Variants in CCDC171 observed in about 807,000 individuals in gnomAD.
The protein encoded by CCDC171 is coiled-coil domain containing 171.
A neutral mutation model predicts 168.2 loss-of-function variants in CCDC171; 177 were observed. The observed-to-expected ratio is 1.05, with a 90% CI of 0.93 to 1.19. The LOEUF (loss-of-function observed/expected upper bound fraction) is 1.19. Among genes scored for constraint, CCDC171 ranks in the 50% most tolerant of loss-of-function variants. The pLI is 0.00. For missense variants in CCDC171, 1,991 were observed against 1,539.0 expected, an observed-to-expected ratio of 1.29 and a Z score of -4.91; for synonymous variants, 687 against 540.8, an observed-to-expected ratio of 1.27 and a Z score of -3.75.
intron 3 of CCDC171, among the ~76,000 whole-genome samples, chr9:16,016,461 A>G (rs1054522780): frequency 6.6e-6 from 1 of 152,178 alleles, no homozygotes; most frequent in Non-Finnish European, 1.5e-5. Context: ...GAATCAAGCA[A>G]TGGCCAGAGC....
At chr9:16,106,350 A>G in the CCDC171 span, among the ~76,000 whole-genome samples, 3 of 152,158 alleles carry the variant, frequency 2.0e-5, no homozygotes, top group Non-Finnish European at 4.4e-5. Context: ...CGCCCCTCGC[A>G]CAGCATGCTT....
chr9:15,790,295 G>C (rs1033378650), intron 21 of CCDC171, among the ~76,000 whole-genome samples: 1 of 152,168 alleles, frequency 6.6e-6, no homozygotes, highest in African/African-American at 2.4e-5. Flanking sequence ...ATTCTAACTG[G>C]TGTGAAATGG....
chr9:15,573,020 G>A (rs1031021355), intron 3 of CCDC171, among the ~76,000 whole-genome samples: 2 of 152,074 alleles, frequency 1.3e-5, no homozygotes, highest in South Asian at 4.1e-4. Context: ...TCAGCTGGGC[G>A]TAGTGGCACA....
chr9:15,816,031 C>T (rs2059550670), intron 21 of CCDC171, among the ~76,000 whole-genome samples: 1 of 117,244 alleles, frequency 8.5e-6, no homozygotes, highest in African/African-American at 3.2e-5. Context: ...TTTTGTTAGC[C>T]TGAACAACAG....
the CCDC171 span, among the ~76,000 whole-genome samples, chr9:16,108,835 A>G: frequency 6.6e-6 from 1 of 152,182 alleles, no homozygotes; most frequent in Non-Finnish European, 1.5e-5. Flanking sequence ...CCAGAAGCTG[A>G]ACAAATGCTG....
At chr9:15,859,286 GCT>G (rs2061461947) in intron 23 of CCDC171, among the ~76,000 whole-genome samples, 1 of 151,782 alleles carries the variant, frequency 6.6e-6, no homozygotes, top group Non-Finnish European at 1.5e-5. Context: ...GAATTCAGTT[GCT>G]AATATTTTGT....
chr9:15,944,448 T>G (rs1170847106), intron 25 of CCDC171, among the ~76,000 whole-genome samples: 3 of 152,064 alleles, frequency 2.0e-5, no homozygotes, highest in Non-Finnish European at 4.4e-5. Flanking sequence ...TTAGCTAACA[T>G]TTATCTAATA....
intron 8 of CCDC171, among the ~76,000 whole-genome samples, chr9:15,664,885 G>C (rs1026085267): frequency 8.6e-5 from 13 of 151,968 alleles, no homozygotes; most frequent in African/African-American, 3.1e-4. Context: ...TTTTAGTAGA[G>C]ACGGGGTTTC....
At chr9:15,844,473 C>A (rs2060813685) in intron 21 of CCDC171, among the ~76,000 whole-genome samples, 1 of 151,908 alleles carries the variant, frequency 6.6e-6, no homozygotes, top group Non-Finnish European at 1.5e-5. Context: ...TTACACACAT[C>A]CCCATCAATC....
At chr9:15,593,147 CAAG>C (rs1424240527) in intron 5 of CCDC171, among the ~76,000 whole-genome samples, 1 of 152,008 alleles carries the variant, frequency 6.6e-6, no homozygotes, top group Non-Finnish European at 1.5e-5. Flanking sequence ...AAAAAAGCCT[CAAG>C]GCTCTTTGTG....
chr9:15,726,188 T>A (rs533717981), intron 14 of CCDC171, among the ~76,000 whole-genome samples: 1 of 152,260 alleles, frequency 6.6e-6, no homozygotes, highest in South Asian at 2.1e-4. Context: ...GCTCTACACA[T>A]CAGATAATGA....
chr9:16,044,367 A>G (rs926132756), intron 1 of CCDC171, among the ~76,000 whole-genome samples: 2 of 152,096 alleles, frequency 1.3e-5, no homozygotes, highest in African/African-American at 2.4e-5. Flanking sequence ...TCCAAATTGT[A>G]TACGTTGGGT....
intron 1 of CCDC171, chr9:15,553,536 G>C (rs141975644): frequency 6.6e-6 from 1 of 152,558 alleles, no homozygotes; most frequent in East Asian, 1.9e-4. Context: ...GGGACCAGAG[G>C]GGAGGCAGAG....
the CCDC171 span, among the ~76,000 whole-genome samples, chr9:16,105,036 A>G: frequency 6.6e-6 from 1 of 152,144 alleles, no homozygotes; most frequent in African/African-American, 2.4e-5. Context: ...AGCTCTTGAT[A>G]AAGCCTGGCC....
chr9:15,716,910 T>C (rs937776517), intron 11 of CCDC171, among the ~76,000 whole-genome samples: 3 of 152,096 alleles, frequency 2.0e-5, no homozygotes, highest in African/African-American at 7.2e-5. Context: ...ATTCAAATCA[T>C]AGCAGCTGGA....
rs764029301 is a variant in CCDC171, at chr9:15,744,413, C to T, written c.2190C>T (p.Ala730=). Reference sequence around the variant, plus strand: ...GGGAACAGATGTCCTTGCTGGCAGCCTGTGCATTAATGGCTGGTGCCTTAT... The same window carrying T: ...GGGAACAGATGTCCTTGCTGGCAGCTTGTGCATTAATGGCTGGTGCCTTAT... ...TQREQMSLLA[A]CALMAGALYP... Residue 730 remains alanine (A), a synonymous_variant, in exon 17 of 26, where the codon GCC becomes GCT. Coordinates refer to ENST00000380701, the MANE Select transcript of CCDC171 (RefSeq NM_173550.4). The T allele has an allele frequency of 2.5e-6, 4 of 1,614,152 alleles. No individual in the cohort carries two copies. The highest frequency in any genetic ancestry group is 1.3e-5 in the African/African-American group (1 of 75,052).
rs532260392 is a variant in CCDC171, at chr9:15,820,623, C to G, written c.3268-26079C>G. Among the ~76,000 whole-genome samples, 2 of 117,316 alleles carry G rather than the reference C, an allele frequency of 1.7e-5. 1 individual carries two copies. Among genetic ancestry groups the G allele is most frequent in the South Asian group, 5.6e-4 (2 of 3,580 alleles). 77.0% of individuals were successfully genotyped at this position (117,316 alleles called of 152,430 possible). A position where few individuals can be genotyped will look rare whatever the true frequency, so the allele number is the denominator to read the frequency against. ...TAAATTCCTCGACACATACACCCTCCTAAGACTAAACCAGGAAGAATTTGA... is the reference window on the plus strand; with the variant it reads ...TAAATTCCTCGACACATACACCCTCGTAAGACTAAACCAGGAAGAATTTGA... On this transcript the variant is annotated intron_variant, in intron 21 of 25. Coordinates refer to ENST00000380701, the MANE Select transcript of CCDC171 (RefSeq NM_173550.4).
At position 15,630,113 on chromosome 9, in the gene CCDC171, C is replaced by T. The variant is rs572119174; in HGVS notation, c.822+6700C>T. Among the ~76,000 whole-genome samples the T allele has an allele frequency of 5.3e-5, 8 of 152,282 alleles. No individual in the cohort carries two copies. In the South Asian group the frequency reaches 1.2e-3, roughly 24 times the overall value. On this transcript the variant is annotated intron_variant, in intron 7 of 25. Transcript: ENST00000380701. The stretch of plus-strand genomic sequence containing the variant: ...GACCATCGAGGCTAGGAAGAAACTG[C>T]ATCAACTAATGAGCAAAATAACCAG...
At chr9:16,060,630 G>GTGC (rs1833920255) in intron 1 of CCDC171, 1 of 152,146 alleles carries the variant, frequency 6.6e-6, no homozygotes, top group African/African-American at 2.4e-5. Context: ...TTCTTGCTTT[G>GTGC]TGCTGCTTCT....
Sources: allele counts gnomAD v4.1 joint callset (sites outside exome capture counted in the v4.1 genomes callset), GRCh38; gene constraint gnomAD v4.1.1; transcripts MANE v1.5; gene names NCBI Gene and HGNC (gene_info 2026-07-23, HGNC 2026-07-21).